The following TFEC variants were observed in gnomAD, a reference collection of about 807,000 sequenced individuals.
TFEC encodes the protein class E basic helix-loop-helix protein 34.
TFEC carries 31 observed loss-of-function variants against 41.6 expected under a neutral mutation model. That is an observed-to-expected ratio of 0.74 (90% confidence interval 0.56 to 1.01). The LOEUF is 1.01. TFEC is among the 50% of genes least tolerant of loss of function. The pLI, the probability that TFEC is intolerant of heterozygous loss-of-function variation, is 0.00. For missense variants in TFEC, 402 were observed against 404.1 expected (o/e 0.99, Z 0.04); for synonymous variants, 143 against 140.6 (o/e 1.02, Z -0.12).
At chr7:115,990,481 T>G (rs1794058868) in intron 1 of TFEC, among the ~76,000 whole-genome samples, 1 of 151,992 alleles carries the variant, frequency 6.6e-6, no homozygotes, top group Admixed American at 6.6e-5. Flanking sequence ...GCTAAAAACC[T>G]TGAAAAGAGA....
chr7:116,082,877 T>C (rs1797122305), intron 3 of TFEC, among the ~76,000 whole-genome samples: 1 of 151,902 alleles, frequency 6.6e-6, no homozygotes, highest in Non-Finnish European at 1.5e-5. Flanking sequence ...TTTTATTTAA[T>C]TGGAATCACA....
chr7:116,088,734 T>C (rs978697715), intron 3 of TFEC, among the ~76,000 whole-genome samples: 1 of 152,080 alleles, frequency 6.6e-6, no homozygotes, highest in Non-Finnish European at 1.5e-5. Flanking sequence ...CATTTGTTCC[T>C]TTTCATCTTA....
rs370796717 is a variant in TFEC, at chr7:116,096,368, TA to T, written c.198+14339del. On this transcript the variant is annotated intron_variant, in intron 3 of 8. Transcript: ENST00000484212. ...ATTTTAAATGAGCATAATCTGTCCTTAATGTCGTTTTCATTTGGTGACGAAA... is the reference window on the plus strand; with the variant it reads ...ATTTTAAATGAGCATAATCTGTCCTTATGTCGTTTTCATTTGGTGACGAAA... 3.2e-3 allele frequency among the ~76,000 whole-genome samples: 494 copies of T among 152,356 alleles called. 10 individuals carry two copies. The South Asian group carries it at 0.049, about 15-fold the overall frequency.
chr7:115,995,502 T>G (rs1205623664), intron 1 of TFEC, among the ~76,000 whole-genome samples: 2 of 152,174 alleles, frequency 1.3e-5, no homozygotes, highest in Non-Finnish European at 2.9e-5. Flanking sequence ...TATTTGGTTG[T>G]TACAAGATAT....
At chr7:116,136,448 T>A (rs1798434587) in intron 1 of TFEC, among the ~76,000 whole-genome samples, 1 of 151,992 alleles carries the variant, frequency 6.6e-6, no homozygotes, top group South Asian at 2.1e-4. Flanking sequence ...AGGAGAAATG[T>A]ACCATTACAT....
intron 1 of TFEC, among the ~76,000 whole-genome samples, chr7:116,154,408 C>T (rs147719741): frequency 5.3e-5 from 8 of 152,110 alleles, no homozygotes; most frequent in East Asian, 3.9e-4. Flanking sequence ...TGAAGGAGTA[C>T]GTAACTAACA....
chr7:116,078,508 A>G (rs1243187974), intron 3 of TFEC, among the ~76,000 whole-genome samples: 1 of 152,124 alleles, frequency 6.6e-6, no homozygotes, highest in Non-Finnish European at 1.5e-5. Flanking sequence ...AGATATTACA[A>G]CTGATACCAC....
chr7:116,053,466 G>A (rs1004103267), intron 3 of TFEC, among the ~76,000 whole-genome samples: 24 of 152,172 alleles, frequency 1.6e-4, no homozygotes, highest in Admixed American at 1.4e-3. Flanking sequence ...GTGTTGATAC[G>A]GTTTGAATGT....
intron 3 of TFEC, among the ~76,000 whole-genome samples, chr7:116,075,484 G>A (rs955764453): frequency 1.3e-5 from 2 of 152,150 alleles, no homozygotes; most frequent in African/African-American, 4.8e-5. Context: ...TCTGGGGCAA[G>A]TTCTCAGCCC....
At chr7:116,058,122 A>G (rs1304632249) in intron 3 of TFEC, among the ~76,000 whole-genome samples, 1 of 151,876 alleles carries the variant, frequency 6.6e-6, no homozygotes, top group Non-Finnish European at 1.5e-5. Flanking sequence ...AGACCTAACT[A>G]TATGCTTTCT....
intron 6 of TFEC, among the ~76,000 whole-genome samples, chr7:115,947,754 T>A (rs911269650): frequency 2.1e-5 from 2 of 93,708 alleles, no homozygotes; most frequent in African/African-American, 8.2e-5. Flanking sequence ...TTCACCCACT[T>A]TTTGATGGGG....
intron 3 of TFEC, among the ~76,000 whole-genome samples, chr7:116,085,777 C>T (rs1159243157): frequency 1.3e-5 from 2 of 151,906 alleles, no homozygotes; most frequent in Non-Finnish European, 2.9e-5. Flanking sequence ...TTAGCTGGAA[C>T]TGTGTGTAAA....
Position 115,940,547 on chromosome 7 carries a change from T to C in TFEC, c.*4A>G. 1 of 1,603,382 alleles carries C rather than the reference T, an allele frequency of 6.2e-7. No homozygotes were observed. The highest frequency in any genetic ancestry group is 1.1e-5 in the South Asian group (1 of 89,670). ...CCAGTTGATGAATTGGGTCTGTTTA[T>C]TTCTTATAATTCATCACCATCATCT... On this transcript the variant is annotated 3_prime_UTR_variant, in exon 8 of 8. Transcript: ENST00000265440.
At chr7:116,091,211 C>A (rs1019443539) in intron 3 of TFEC, among the ~76,000 whole-genome samples, 1 of 152,124 alleles carries the variant, frequency 6.6e-6, no homozygotes, top group African/African-American at 2.4e-5. Context: ...ATGCATAAAA[C>A]TTCTTCAGGG....
intron 1 of TFEC, among the ~76,000 whole-genome samples, chr7:115,989,966 G>T (rs749975020): frequency 1.3e-5 from 2 of 152,162 alleles, no homozygotes; most frequent in Non-Finnish European, 2.9e-5. Context: ...CTAACTGGCA[G>T]GTACCTCCTA....
At chr7:116,031,423 A>G (rs1160792008), upstream of TFEC, among the ~76,000 whole-genome samples, 1 of 152,148 alleles carries the variant, frequency 6.6e-6, no homozygotes, top group Non-Finnish European at 1.5e-5. Flanking sequence ...TAGGATACTC[A>G]TGCCTTTACC....
At chr7:116,036,777 G>A (rs1795921857) in intron 3 of TFEC, among the ~76,000 whole-genome samples, 1 of 151,972 alleles carries the variant, frequency 6.6e-6, no homozygotes, top group South Asian at 2.1e-4. Flanking sequence ...AATTTAATGG[G>A]ATAATATATA....
At chr7:116,104,218 G>T (rs1797666698) in intron 3 of TFEC, among the ~76,000 whole-genome samples, 1 of 152,072 alleles carries the variant, frequency 6.6e-6, no homozygotes, top group African/African-American at 2.4e-5. Flanking sequence ...GTGCCAGACT[G>T]CCTTCTACTT....
chr7:116,060,523 A>T (rs1019114589), intron 3 of TFEC, among the ~76,000 whole-genome samples: 3 of 152,208 alleles, frequency 2.0e-5, no homozygotes, highest in Admixed American at 2.0e-4. Flanking sequence ...ATGGAATACT[A>T]TGCAGCCCTA....
Sources: allele counts gnomAD v4.1 joint callset (sites outside exome capture counted in the v4.1 genomes callset), GRCh38; gene constraint gnomAD v4.1.1; transcripts MANE v1.5; gene names NCBI Gene and HGNC (gene_info 2026-07-23, HGNC 2026-07-21).